Variants in WDR1 observed in about 807,000 individuals in gnomAD.
WDR1 encodes the protein WD repeat-containing protein 1.
A neutral mutation model predicts 71.9 loss-of-function variants in WDR1; 21 were observed. The ratio of observed to expected loss-of-function variants is 0.29; its 90% CI spans 0.21 to 0.42. The LOEUF (loss-of-function observed/expected upper bound fraction) is 0.42, where lower values mean the gene tolerates loss of function less well. Among genes scored for constraint, WDR1 ranks in the 10% least tolerant of loss-of-function variants. The probability of loss-of-function intolerance (pLI) is 1.00; values close to 1 mark genes in which losing one functional copy is unlikely to be tolerated. For synonymous variants in WDR1, 424 were observed against 347.4 expected, an observed-to-expected ratio of 1.22 and a Z score of -2.45; for missense variants, 696 against 824.5, an observed-to-expected ratio of 0.84 and a Z score of 1.91.
At chr4:10,091,251 C>T (rs1008909260) in intron 5 of WDR1, among the ~76,000 whole-genome samples, 3 of 152,220 alleles carry the variant, frequency 2.0e-5, no homozygotes, top group African/African-American at 7.2e-5. Context: ...TCCTTTTGTA[C>T]CTTTTTCACT....
At chr4:10,103,858 C>T (rs758892626) in intron 3 of WDR1, 38 bp downstream of exon 3, 1 of 1,549,438 alleles carries the variant, frequency 6.5e-7, no homozygotes, top group Non-Finnish European at 8.7e-7. Flanking sequence ...CCACCCAGGC[C>T]CCCACAGGTG....
chr4:10,095,067 G>C (rs1049323265), intron 5 of WDR1, among the ~76,000 whole-genome samples: 1 of 152,212 alleles, frequency 6.6e-6, no homozygotes, highest in Admixed American at 6.5e-5. Context: ...CGGCCACAGG[G>C]GGCCTCTGCA....
chr4:10,114,044 T>G (rs1224919904), intron 2 of WDR1, among the ~76,000 whole-genome samples: 1 of 152,084 alleles, frequency 6.6e-6, no homozygotes, highest in Non-Finnish European at 1.5e-5. Flanking sequence ...TCATGTCACT[T>G]TTTTTTCCAA....
chr4:10,104,116 C>T (rs574849792), intron 2 of WDR1, 130 bp from the exon 3 acceptor site: 23 of 915,784 alleles, frequency 2.5e-5, no homozygotes, highest in South Asian at 1.5e-4. Flanking sequence ...TGAAGAAAAC[C>T]GCAGAAGCAT....
At chr4:10,100,836 C>G (rs1467488451) in intron 3 of WDR1, among the ~76,000 whole-genome samples, 2 of 152,206 alleles carry the variant, frequency 1.3e-5, no homozygotes, top group South Asian at 2.1e-4. Flanking sequence ...ACTGTGTGTG[C>G]AGGAAGGACA....
intron 14 of WDR1, 96 bp from the exon 15 acceptor site, chr4:10,075,580 T>C: frequency 3.5e-6 from 4 of 1,140,682 alleles, no homozygotes; most frequent in Non-Finnish European, 5.1e-6. Flanking sequence ...GCCTAAATCA[T>C]CTCCAGGGCC....
chr4:10,081,669 G>T (rs1304848457), intron 10 of WDR1, among the ~76,000 whole-genome samples: 2 of 135,548 alleles, frequency 1.5e-5, no homozygotes, highest in African/African-American at 5.3e-5. Context: ...GGGGTGGGGG[G>T]GGGGGAAGGA....
chr4:10,077,432 TA>T lies in WDR1; in HGVS notation c.1585del (p.Tyr529MetfsTer26), dbSNP rs1451323999. On this transcript the variant is annotated frameshift_variant, in exon 14 of 15. Transcript: ENST00000499869. LOFTEE classifies it high-confidence loss of function. ...ADGYSENNVFYGHHAKIVCLA... is the reference protein window; with the variant it reads ...ADGYSENNVFXGHHAKIVCLA... ...GCAGACGATTTTTGCATGGTGTCCA[TA>T]AAAAACATTGTTCTCCTAGTTGCAG... 6.2e-7 allele frequency: 1 copy of T among 1,613,930 alleles called. No homozygotes were observed. The highest frequency in any genetic ancestry group is 1.7e-5 in the Admixed American group (1 of 60,016).
At chr4:10,076,141 GC>G in intron 14 of WDR1, 1 of 152,824 alleles carries the variant, frequency 6.5e-6, no homozygotes, top group Non-Finnish European at 1.5e-5. Context: ...GGTCCGGGTG[GC>G]CCCCAGCCTC....
intron 2 of WDR1, among the ~76,000 whole-genome samples, chr4:10,104,673 T>TAC (rs1025056963): frequency 2.6e-5 from 4 of 152,106 alleles, no homozygotes; most frequent in African/African-American, 9.7e-5. Context: ...CCTCCCGGCA[T>TAC]ACACACACAC....
intron 11 of WDR1, 33 bp from the exon 12 acceptor site, chr4:10,079,034 C>T: frequency 1.3e-6 from 2 of 1,551,686 alleles, no homozygotes; most frequent in African/African-American, 2.7e-5. Flanking sequence ...GTCAGGCGGT[C>T]CAGCCCTTCG....
chr4:10,087,872 G>A lies in WDR1; in HGVS notation c.786C>T (p.Asp262=), dbSNP rs779757619. 51 of 1,567,614 alleles carry A rather than the reference G, an allele frequency of 3.3e-5. No individual in the cohort carries two copies. Among genetic ancestry groups the A allele is most frequent in the South Asian group, 1.5e-4 (13 of 85,274 alleles). ...ASGDKTSKIW[D]VSVNSVVSTF... ...TGCTGACCACGGAGTTCACGCTGAC[G>A]TCCCAAATCTTGGAAGTTTTGTCCC... is the stretch of plus-strand genomic sequence containing the variant. Residue 262 remains aspartate, a synonymous_variant, in exon 8 of 15, where the codon GAC becomes GAT. Transcript: ENST00000499869.
chr4:10,084,384 C>T (rs1765128103), intron 9 of WDR1, 59 bp downstream of exon 9: 10 of 1,525,166 alleles, frequency 6.6e-6, no homozygotes, highest in Non-Finnish European at 8.1e-6. Context: ...ATCATGGGAA[C>T]AGGAAATTCC....
intron 2 of WDR1, among the ~76,000 whole-genome samples, chr4:10,111,437 C>A (rs965797240): frequency 2.6e-5 from 4 of 152,224 alleles, no homozygotes; most frequent in African/African-American, 9.7e-5. Flanking sequence ...GGTGGTCAGA[C>A]TGAAGGCCTA....
At chr4:10,082,511 C>G (rs1765058453) in intron 10 of WDR1, among the ~76,000 whole-genome samples, 1 of 152,216 alleles carries the variant, frequency 6.6e-6, no homozygotes, top group Non-Finnish European at 1.5e-5. Context: ...CAAACTGCTA[C>G]TCTCCTAGCT....
chr4:10,111,133 T>G (rs1012216774), intron 2 of WDR1, among the ~76,000 whole-genome samples: 1 of 152,236 alleles, frequency 6.6e-6, no homozygotes, highest in Non-Finnish European at 1.5e-5. Context: ...AGGCTGGATC[T>G]GATTACTTGT....
intron 5 of WDR1, chr4:10,092,724 G>A (rs953008975): frequency 4.0e-6 from 1 of 248,984 alleles, no homozygotes; most frequent in Admixed American, 4.8e-5. Context: ...AAAAAGCGAG[G>A]GCTAAAAATA....
intron 2 of WDR1, chr4:10,108,324 A>C (rs1044001984): frequency 6.6e-6 from 1 of 152,238 alleles, no homozygotes. Flanking sequence ...TTGGGTCTCA[A>C]GGCTTGCCAC....
At chr4:10,083,972 T>C (rs1765110655) in intron 9 of WDR1, among the ~76,000 whole-genome samples, 1 of 152,214 alleles carries the variant, frequency 6.6e-6, no homozygotes, top group African/African-American at 2.4e-5. Flanking sequence ...GCTGCATGAC[T>C]CTGGGGCGGG....
Sources: gnomAD v4.1 joint callset for allele counts (sites outside exome capture counted in the v4.1 genomes callset) on GRCh38, gnomAD v4.1.1 for gene constraint, MANE v1.5 for transcripts, NCBI Gene and HGNC (gene_info 2026-07-23, HGNC 2026-07-21) for gene names.